The following RIPOR3 variants were observed in gnomAD, a reference collection of about 807,000 sequenced individuals.
RIPOR3 encodes the protein family with sequence similarity 65 member C.
In RIPOR3, 95 loss-of-function variants were observed where a neutral mutation model predicts 114.3. The observed-to-expected ratio is 0.83, with a 90% CI of 0.70 to 0.99. The LOEUF (loss-of-function observed/expected upper bound fraction) is 0.99, where lower values mean the gene tolerates loss of function less well. RIPOR3 is among the 50% of genes least tolerant of loss of function. RIPOR3 has a pLI of 0.00. For missense variants in RIPOR3, 1,252 were observed against 1,266.9 expected (o/e 0.99, Z 0.18); for synonymous variants, 575 against 543.8 (o/e 1.06, Z -0.80).
chr20:50,607,173 G>T (rs990758086), intron 11 of RIPOR3, among the ~76,000 whole-genome samples: 1 of 152,168 alleles, frequency 6.6e-6, no homozygotes, highest in South Asian at 2.1e-4. Flanking sequence ...GTAACAACTG[G>T]ACACCCCCAG....
chr20:50,588,429 A>G (rs1473390721), intron 20 of RIPOR3, among the ~76,000 whole-genome samples: 2 of 152,178 alleles, frequency 1.3e-5, no homozygotes, highest in Non-Finnish European at 2.9e-5. Context: ...ATCTGTACTG[A>G]ATTATCTTTC....
At chr20:50,661,411 T>A (rs1329058973) in intron 1 of RIPOR3, among the ~76,000 whole-genome samples, 1 of 152,080 alleles carries the variant, frequency 6.6e-6, no homozygotes, top group Non-Finnish European at 1.5e-5. Context: ...AATAAACATC[T>A]CCATAGCCTT....
At chr20:50,653,278 T>G (rs2085682290) in intron 1 of RIPOR3, 1 of 152,096 alleles carries the variant, frequency 6.6e-6, no homozygotes, top group Non-Finnish European at 1.5e-5. Flanking sequence ...AGACAGAAAG[T>G]GGATCAGTCA....
At chr20:50,629,732 G>C (rs931026527) in intron 2 of RIPOR3, among the ~76,000 whole-genome samples, 30 of 151,996 alleles carry the variant, frequency 2.0e-4, no homozygotes, top group African/African-American at 7.2e-4. Flanking sequence ...CCGTGAGCAG[G>C]GTGCACCCAC....
In RIPOR3 at chr20:50,596,117, G is replaced by C. The variant is rs756817507; in HGVS notation, c.1914+23C>G. ...TCCAAACCCCTGTCTGCCCCTCCCT[G>C]ACAAGTCCCCTAGCCCAGCCACCTG... On this transcript the variant is annotated intron_variant, in intron 15 of 21. Transcript: ENST00000327979. The C allele has an allele frequency of 3.7e-6, 6 of 1,613,824 alleles. No homozygotes were observed. In the South Asian group the frequency reaches 6.6e-5, roughly 18 times the overall value.
intron 1 of RIPOR3, among the ~76,000 whole-genome samples, chr20:50,670,946 G>A (rs1256888115): frequency 6.6e-6 from 1 of 151,998 alleles, no homozygotes. Flanking sequence ...GATTTATTTT[G>A]AGACAGAGTC....
At chr20:50,588,801 C>T (rs567958552) in intron 20 of RIPOR3, among the ~76,000 whole-genome samples, 28 of 150,080 alleles carry the variant, frequency 1.9e-4, no homozygotes, top group African/African-American at 5.6e-4. Flanking sequence ...GAATTCTAGG[C>T]CGGGCGCGGT....
Position 50,593,093 on chromosome 20 carries a change from GT to G in RIPOR3, c.2315del (p.Tyr772SerfsTer21). Reference protein sequence around the residue: ...QIITWFQFHSYLQRQSVSDLE... With the variant: ...QIITWFQFHSXLQRQSVSDLE... Reference sequence around the variant, plus strand: ...GGTCAGAGACGCTCTGCCTCTGCAGGTAGCTGTGAAACTGGAACCAGGTAAT... The same window carrying G: ...GGTCAGAGACGCTCTGCCTCTGCAGGAGCTGTGAAACTGGAACCAGGTAAT... On this transcript the variant is annotated frameshift_variant, in exon 18 of 22. Coordinates refer to ENST00000327979, the MANE Select transcript of RIPOR3 (RefSeq NM_001290268.2). LOFTEE classifies it high-confidence loss of function. 1.2e-6 allele frequency: 2 copies of G among 1,614,156 alleles called. No homozygotes were observed. Among genetic ancestry groups the G allele is most frequent in the South Asian group, 2.2e-5 (2 of 91,088 alleles).
chr20:50,686,729 C>T (rs371135958), intron 1 of RIPOR3, among the ~76,000 whole-genome samples: 4 of 148,218 alleles, frequency 2.7e-5, no homozygotes, highest in African/African-American at 1.0e-4. Flanking sequence ...CCAGCCTGGG[C>T]GACAGAGCGA....
At chr20:50,620,626 TAAAAATAAATAAATAAATAAATAA>T (rs1371992606) in intron 2 of RIPOR3, 3 of 166,284 alleles carry the variant, frequency 1.8e-5, no homozygotes, top group Non-Finnish European at 3.7e-5. Context: ...GACTCAGTCT[TAAAAATAAATAAATAAATAAATAA>T]ATAAATAAAT....
intron 17 of RIPOR3, 28 bp downstream of exon 17, chr20:50,594,525 G>A: frequency 6.2e-7 from 1 of 1,601,008 alleles, no homozygotes; most frequent in Non-Finnish European, 8.5e-7. Context: ...TTCTGTGGGA[G>A]GGGACGACAG....
intron 2 of RIPOR3, among the ~76,000 whole-genome samples, chr20:50,621,635 G>A (rs568939224): frequency 1.3e-5 from 2 of 152,254 alleles, no homozygotes; most frequent in East Asian, 3.9e-4. Flanking sequence ...ATATACCTGG[G>A]ACTTCCAGCC....
chr20:50,644,511 A>C (rs2085322557), intron 1 of RIPOR3, among the ~76,000 whole-genome samples: 1 of 151,528 alleles, frequency 6.6e-6, no homozygotes, highest in South Asian at 2.1e-4. Context: ...TTGAGGCAAG[A>C]TCTGGCCCTA....
rs538193659 is a variant in RIPOR3 at position 50,602,426 on chromosome 20, G to A, written c.1305C>T (p.Thr435=). 4 of 1,599,046 alleles carry A rather than the reference G, an allele frequency of 2.5e-6. No individual in the cohort carries two copies. The highest frequency in any genetic ancestry group is 1.3e-5 in the African/African-American group (1 of 74,664). The change falls in exon 13 of 22, where the codon ACC becomes ACT. Residue 435 remains threonine (T), a synonymous_variant. Coordinates refer to ENST00000327979, the MANE Select transcript of RIPOR3 (RefSeq NM_001290268.2). This position sits in a 1 kb window ranked among gnomAD's most constrained non-coding sequence, Gnocchi z 4.3. The part of the protein sequence containing the change: ...STSDVGFLPL[T]FGPHASIEEE... Reference sequence around the variant, plus strand: ...CTTCAATGGAGGCGTGGGGACCGAAGGTCAAGGGCAGGAAGCCCACATCTG... The same window carrying A: ...CTTCAATGGAGGCGTGGGGACCGAAAGTCAAGGGCAGGAAGCCCACATCTG...
chr20:50,660,136 G>A (rs1006719803), intron 1 of RIPOR3: 1 of 152,218 alleles, frequency 6.6e-6, no homozygotes, highest in African/African-American at 2.4e-5. Context: ...TATAGAAAGA[G>A]GAGCAGGTGC....
chr20:50,595,461 A>G lies in RIPOR3; in HGVS notation c.1958T>C (p.Leu653Pro), dbSNP rs1468429134. 5 of 1,614,112 alleles carry G rather than the reference A, an allele frequency of 3.1e-6. No homozygotes were observed. The highest frequency in any genetic ancestry group is 4.2e-6 in the Non-Finnish European group (5 of 1,180,024). Reference sequence around the variant, plus strand: ...CTTTTGCTGTGCCACTTCTTCCAGGAGGCATTCCTGGACCAGCCTTGATAA... The same window carrying G: ...CTTTTGCTGTGCCACTTCTTCCAGGGGGCATTCCTGGACCAGCCTTGATAA... ...PNLSRLVQEC[L>P]LEEVAQQKHV... The change falls in exon 16 of 22, where the codon CTC becomes CCC. Residue 653 changes from leucine (L) to proline (P), a missense_variant. Leu to Pro is a moderately conservative substitution (Grantham distance 98). Coordinates refer to ENST00000327979, the MANE Select transcript of RIPOR3 (RefSeq NM_001290268.2).
At chr20:50,671,389 C>G (rs928469043) in intron 1 of RIPOR3, among the ~76,000 whole-genome samples, 3 of 151,464 alleles carry the variant, frequency 2.0e-5, no homozygotes, top group Non-Finnish European at 4.4e-5. Flanking sequence ...TTCTCTCTCC[C>G]TCTCTCTCAC....
At chr20:50,647,000 G>A (rs77086753) in intron 1 of RIPOR3, among the ~76,000 whole-genome samples, 61 of 152,268 alleles carry the variant, frequency 4.0e-4, no homozygotes, top group African/African-American at 1.5e-3. Context: ...TAAGAAAAAG[G>A]ACAGTACTAA....
Position 50,595,641 on chromosome 20 carries a change from C to G in RIPOR3, c.1915-137G>C. Reference sequence around the variant, plus strand: ...CTCCCTGACTGTCATTTGGGGATTCCCCTTTCACCAAGGTGGCTGAGCTAA... The same window carrying G: ...CTCCCTGACTGTCATTTGGGGATTCGCCTTTCACCAAGGTGGCTGAGCTAA... On this transcript the variant is annotated intron_variant, in intron 15 of 21. Coordinates refer to ENST00000327979, the MANE Select transcript of RIPOR3 (RefSeq NM_001290268.2). 4.7e-6 allele frequency: 6 copies of G among 1,266,564 alleles called. No homozygotes were observed. In the South Asian group the frequency reaches 7.1e-5, roughly 15 times the overall value. 78.5% of individuals were successfully genotyped at this position (1,266,564 alleles called of 1,614,324 possible). A position where few individuals can be genotyped will look rare whatever the true frequency, so the allele number is the denominator to read the frequency against.
Sources: gnomAD v4.1 joint callset for allele counts (sites outside exome capture counted in the v4.1 genomes callset) on GRCh38, gnomAD v4.1.1 for gene constraint, Gnocchi (gnomAD v3.1) non-coding constraint, MANE v1.5 for transcripts, NCBI Gene and HGNC (gene_info 2026-07-23, HGNC 2026-07-21) for gene names.